GGCT: variants seen among roughly 807,000 people sequenced by gnomAD.
GGCT encodes the protein gamma-glutamylcyclotransferase.
Under a neutral mutation model 22.1 loss-of-function variants are expected in GGCT, and 20 were observed. That is an observed-to-expected ratio of 0.91 (90% CI 0.64 to 1.32). The LOEUF is 1.32. Among genes scored for constraint, GGCT ranks in the 40% most tolerant of loss-of-function variants. The probability of loss-of-function intolerance (pLI) is 0.00; values close to 1 mark genes in which losing one functional copy is unlikely to be tolerated. For synonymous variants in GGCT, 72 were observed against 78.4 expected, an observed-to-expected ratio of 0.92 and a Z score of 0.43; for missense variants, 209 against 223.5, an observed-to-expected ratio of 0.94 and a Z score of 0.41.
At chr7:30,504,208 AT>A (rs554977366) in intron 1 of GGCT, among the ~76,000 whole-genome samples, 109 of 152,368 alleles carry the variant, frequency 7.2e-4, no homozygotes, top group Middle Eastern at 3.4e-3. Flanking sequence ...AACAAAGGTT[AT>A]GTACAGAACA....
At position 30,504,756 on chromosome 7, in the gene GGCT, C is replaced by A; in HGVS notation, c.-47G>T. The A allele has an allele frequency of 6.3e-7, 1 of 1,598,062 alleles. No homozygotes were observed. The highest frequency in any genetic ancestry group is 8.6e-7 in the Non-Finnish European group (1 of 1,166,514). On this transcript the variant is annotated 5_prime_UTR_variant, in exon 1 of 4. Coordinates refer to ENST00000275428, the MANE Select transcript of GGCT (RefSeq NM_024051.4). ...GGAGCCTGAAGCAGAGTGTAAGGAACGGCCAGAGAGCGCAACACTGGGGCC... is the reference window on the plus strand; with the variant it reads ...GGAGCCTGAAGCAGAGTGTAAGGAAAGGCCAGAGAGCGCAACACTGGGGCC...
At chr7:30,502,011 C>A (rs995050664) in intron 1 of GGCT, among the ~76,000 whole-genome samples, 6 of 152,242 alleles carry the variant, frequency 3.9e-5, no homozygotes, top group African/African-American at 1.4e-4. Flanking sequence ...TGTTCCACTT[C>A]TCAGCGGAAC....
chr7:30,496,880 T>C lies in GGCT; in HGVS notation c.*212A>G. The stretch of plus-strand genomic sequence containing the variant: ...GGTACTCACATTCATTTGTCACATA[T>C]TTCAGGCCCTCATACACCCCTTTTA... On this transcript the variant is annotated 3_prime_UTR_variant, in exon 4 of 4. Transcript: ENST00000275428. 2.8e-6 allele frequency: 1 copy of C among 358,052 alleles called. No homozygotes were observed. Among genetic ancestry groups the C allele is most frequent in the East Asian group, 4.5e-5 (1 of 22,262 alleles). The allele number at this position is 358,052 out of a possible 1,614,324, so 22.2% of individuals were successfully genotyped here. A position where few individuals can be genotyped will look rare whatever the true frequency, so the allele number is the denominator to read the frequency against.
intron 3 of GGCT, chr7:30,497,453 G>A (rs375837453): frequency 2.6e-6 from 1 of 386,346 alleles, no homozygotes; most frequent in Non-Finnish European, 4.5e-6. Flanking sequence ...CATCCTCATG[G>A]AATATCAACT....
chr7:30,498,186 G>T (rs945286934), intron 3 of GGCT, among the ~76,000 whole-genome samples: 1 of 37,414 alleles, frequency 2.7e-5, no homozygotes, highest in Non-Finnish European at 1.1e-4. Flanking sequence ...CCAGGCAAAA[G>T]AAAGAAAGAA....
At chr7:30,498,059 GTA>G (rs1019223975) in intron 3 of GGCT, among the ~76,000 whole-genome samples, 16 of 118,044 alleles carry the variant, frequency 1.4e-4, no homozygotes, top group African/African-American at 3.0e-4. Flanking sequence ...ATACATATAT[GTA>G]TATATATATA....
chr7:30,501,292 A>G lies in GGCT; in HGVS notation c.142-611T>C, dbSNP rs559502577. Among the ~76,000 whole-genome samples, 5 of 152,350 alleles carry G rather than the reference A, an allele frequency of 3.3e-5. No individual in the cohort carries two copies. The East Asian group carries it at 9.6e-4, about 29-fold the overall frequency. On this transcript the variant is annotated intron_variant, in intron 1 of 3. Coordinates refer to ENST00000275428, the MANE Select transcript of GGCT (RefSeq NM_024051.4). ...GCAGGGGACGAGCATGCCCAAAGACATGGATAAAAGAGTGTGTTTTGGGGG... is the reference window on the plus strand; with the variant it reads ...GCAGGGGACGAGCATGCCCAAAGACGTGGATAAAAGAGTGTGTTTTGGGGG...
chr7:30,499,429 T>A (rs1056958058), intron 2 of GGCT, among the ~76,000 whole-genome samples: 1 of 145,776 alleles, frequency 6.9e-6, no homozygotes, highest in South Asian at 2.2e-4. Flanking sequence ...AAAGGCCGGG[T>A]GCAGTGGCTC....
intron 3 of GGCT, chr7:30,497,750 G>A (rs1006897543): frequency 2.9e-6 from 4 of 1,403,100 alleles, no homozygotes; most frequent in Non-Finnish European, 3.8e-6. Context: ...CCTATTACAG[G>A]TGCCATGACC....
At chr7:30,498,070 TAGAAAG>T (rs951683995) in intron 3 of GGCT, among the ~76,000 whole-genome samples, 5 of 146,880 alleles carry the variant, frequency 3.4e-5, no homozygotes, top group African/African-American at 4.9e-5. Context: ...TATATATATA[TAGAAAG>T]AGAAAGAGAG....
chr7:30,499,314 A>G lies in GGCT; in HGVS notation c.288-376T>C, dbSNP rs181274070. On this transcript the variant is annotated intron_variant, in intron 2 of 3. Coordinates refer to ENST00000275428, the MANE Select transcript of GGCT (RefSeq NM_024051.4). Reference sequence around the variant, plus strand: ...CCCAGCTACTCAATAGGCTGAGGCTAGAGAATCACTTGAACCCGGGAGGTG... The same window carrying G: ...CCCAGCTACTCAATAGGCTGAGGCTGGAGAATCACTTGAACCCGGGAGGTG... Among the ~76,000 whole-genome samples the G allele has an allele frequency of 3.4e-3, 513 of 151,842 alleles. 4 individuals are homozygous for G. The highest frequency in any genetic ancestry group is 0.012 in the African/African-American group (479 of 41,404).
In GGCT at chr7:30,497,111, C is replaced by T. The variant is rs1319638362; in HGVS notation, c.548G>A (p.Gly183Glu). 6.3e-7 allele frequency: 1 copy of T among 1,599,584 alleles called. No homozygotes were observed. Among genetic ancestry groups the T allele is most frequent in the Non-Finnish European group, 8.6e-7 (1 of 1,168,954 alleles). Residue 183 changes from glycine (G) to glutamate (E), a missense_variant, in exon 4 of 4, where the codon GGG becomes GAG. By Grantham distance (98) the Gly-to-Glu change is moderately conservative. Coordinates refer to ENST00000275428, the MANE Select transcript of GGCT (RefSeq NM_024051.4). ...TATGTTCTAAAGAGTTTGTGTTTCCCCCTTTTTGATGATGTCTTCAATTTC... is the reference window on the plus strand; with the variant it reads ...TATGTTCTAAAGAGTTTGTGTTTCCTCCTTTTTGATGATGTCTTCAATTTC... ...SEEIEDIIKK[G>E]ETQTL
At chr7:30,504,426 C>G in intron 1 of GGCT, 143 bp downstream of exon 1, 1 of 950,260 alleles carries the variant, frequency 1.1e-6, no homozygotes, top group Admixed American at 2.5e-5. Flanking sequence ...AGGAGGTGGA[C>G]CCGCCCAGGA....
intron 1 of GGCT, among the ~76,000 whole-genome samples, chr7:30,503,512 C>T (rs920388908): frequency 6.6e-5 from 10 of 152,204 alleles, no homozygotes; most frequent in Admixed American, 4.6e-4. Flanking sequence ...ACAGCAGGGA[C>T]TCCAGAGAGG....
chr7:30,497,144 A>G lies in GGCT; in HGVS notation c.515T>C (p.Val172Ala), dbSNP rs749862560. Residue 172 changes from valine (V) to alanine (A), a missense_variant, in exon 4 of 4, where the codon GTC becomes GCC. Coordinates refer to ENST00000275428, the MANE Select transcript of GGCT (RefSeq NM_024051.4). Reference protein sequence around the residue: ...AIEPNDYTGKVSEEIEDIIKK... With the variant: ...AIEPNDYTGKASEEIEDIIKK... ...GATGATGTCTTCAATTTCTTCTGAG[A>G]CCTTTCCTGTATAGTCATTTGGTTC... 1 of 1,608,376 alleles carries G rather than the reference A, an allele frequency of 6.2e-7. No homozygotes were observed. The highest frequency in any genetic ancestry group is 8.5e-7 in the Non-Finnish European group (1 of 1,175,538).
chr7:30,497,060 A>G lies in GGCT; in HGVS notation c.*32T>C. The G allele has an allele frequency of 7.0e-7, 1 of 1,424,158 alleles. No individual in the cohort carries two copies. The highest frequency in any genetic ancestry group is 9.6e-7 in the Non-Finnish European group (1 of 1,036,800). The allele number at this position is 1,424,158 out of a possible 1,614,324, so 88.2% of individuals were successfully genotyped here. A position where few individuals can be genotyped will look rare whatever the true frequency, so the allele number is the denominator to read the frequency against. On this transcript the variant is annotated 3_prime_UTR_variant, in exon 4 of 4. Coordinates refer to ENST00000275428, the MANE Select transcript of GGCT (RefSeq NM_024051.4). ...TGTTAAAAATATTTTATATTAGCAC[A>G]TAGAATACCCTTAGATATATTCTGT...
In GGCT at chr7:30,504,721, C is replaced by T. The variant is rs1217897160; in HGVS notation, c.-12G>A. On this transcript the variant is annotated 5_prime_UTR_variant, in exon 1 of 4. Transcript: ENST00000275428. ...CCCGAGTTGGCCATATCCCACTACG[C>T]CCCTGCACTGGAGCCTGAAGCAGAG... 24 of 1,613,582 alleles carry T rather than the reference C, an allele frequency of 1.5e-5. No homozygotes were observed. The highest frequency in any genetic ancestry group is 4.0e-5 in the African/African-American group (3 of 74,942).
In GGCT at chr7:30,504,558, G is replaced by C; in HGVS notation, c.141+11C>G. 6.2e-7 allele frequency: 1 copy of C among 1,613,120 alleles called. No homozygotes were observed. ...GGCCCCGGCGTGGGTAGCGCGGGAGGGGGCACTCACCTGCAGGCGGGCCAC... is the reference window on the plus strand; with the variant it reads ...GGCCCCGGCGTGGGTAGCGCGGGAGCGGGCACTCACCTGCAGGCGGGCCAC... On this transcript the variant is annotated intron_variant, in intron 1 of 3. Coordinates refer to ENST00000275428, the MANE Select transcript of GGCT (RefSeq NM_024051.4).
chr7:30,501,016 C>T (rs1236158759), intron 1 of GGCT, among the ~76,000 whole-genome samples: 1 of 152,160 alleles, frequency 6.6e-6, no homozygotes, highest in Non-Finnish European at 1.5e-5. Context: ...TCCCAGTCTT[C>T]TTACATACAC....
Sources: gnomAD v4.1 joint callset for allele counts (sites outside exome capture counted in the v4.1 genomes callset) on GRCh38, gnomAD v4.1.1 for gene constraint, MANE v1.5 for transcripts, NCBI Gene and HGNC (gene_info 2026-07-23, HGNC 2026-07-21) for gene names.